The following CUL1 variants were observed in gnomAD, a reference collection of about 807,000 sequenced individuals.
CUL1 encodes cullin 1.
A neutral mutation model predicts 118.0 loss-of-function variants in CUL1; 24 were observed. The ratio of observed to expected loss-of-function variants is 0.20; its 90% CI spans 0.15 to 0.29. The LOEUF (loss-of-function observed/expected upper bound fraction) is 0.29, where lower values mean the gene tolerates loss of function less well. Ranked by LOEUF, CUL1 falls within the 10% of genes least tolerant of loss-of-function variation. The pLI, the probability that CUL1 is intolerant of heterozygous loss-of-function variation, is 1.00. For missense variants in CUL1, 361 were observed against 933.8 expected (o/e 0.39, Z 7.99); for synonymous variants, 332 against 340.4 (o/e 0.98, Z 0.27).
intron 1 of CUL1, among the ~76,000 whole-genome samples, chr7:148,709,301 T>G (rs1226497443): frequency 6.6e-6 from 1 of 152,230 alleles, no homozygotes; most frequent in Non-Finnish European, 1.5e-5. Flanking sequence ...AGAAAAATAG[T>G]CCTAAAGTGT....
intron 9 of CUL1, among the ~76,000 whole-genome samples, chr7:148,780,068 T>C (rs1800569655): frequency 6.6e-6 from 1 of 151,958 alleles, no homozygotes; most frequent in Admixed American, 6.6e-5. Context: ...AGATAGCCTA[T>C]TGTGGGACCT....
chr7:148,795,254 C>T (rs1014880831), intron 17 of CUL1, among the ~76,000 whole-genome samples: 1 of 152,142 alleles, frequency 6.6e-6, no homozygotes, highest in African/African-American at 2.4e-5. Flanking sequence ...TCCTCAGCCT[C>T]CTGAGTAGCT....
chr7:148,784,283 A>C (rs1471861959), intron 11 of CUL1, among the ~76,000 whole-genome samples: 1 of 152,100 alleles, frequency 6.6e-6, no homozygotes, highest in East Asian at 1.9e-4. Context: ...GTCTCAATGT[A>C]TTGTGGGACT....
At chr7:148,757,696 A>C (rs1283743716) in intron 4 of CUL1, among the ~76,000 whole-genome samples, 2 of 152,202 alleles carry the variant, frequency 1.3e-5, no homozygotes, top group Non-Finnish European at 2.9e-5. Flanking sequence ...CTGCTGATAA[A>C]GACCTACCTG....
intron 7 of CUL1, among the ~76,000 whole-genome samples, chr7:148,762,311 C>T (rs1410841632): frequency 2.0e-5 from 3 of 152,166 alleles, no homozygotes; most frequent in African/African-American, 7.2e-5. Context: ...ATGCATTTTC[C>T]TATAGGAGAT....
intron 17 of CUL1, among the ~76,000 whole-genome samples, chr7:148,797,581 TC>T (rs1196381800): frequency 5.9e-5 from 9 of 152,032 alleles, no homozygotes; most frequent in Admixed American, 5.9e-4. Context: ...TATTGTGTGA[TC>T]AAGGCCAGAA....
Position 148,798,676 on chromosome 7 carries a change from A to C in CUL1, c.2135A>C (p.Gln712Pro). The stretch of plus-strand genomic sequence containing the variant: ...GAGGAAGACCGCAAACTACTGATTC[A>C]GGTGACTTATCTGTATGCCTGTGCC... ...NIEEDRKLLI[Q>P]AAIVRIMKMR... The change falls in exon 20 of 22, where the codon CAG becomes CCG. Residue 712 changes from glutamine to proline, a missense_variant and splice_region_variant. Gln to Pro is a moderately conservative substitution (Grantham distance 76, BLOSUM62 -1). Coordinates refer to ENST00000325222, the MANE Select transcript of CUL1 (RefSeq NM_003592.3). 1 of 1,612,686 alleles carries C rather than the reference A, an allele frequency of 6.2e-7. No homozygotes were observed. The highest frequency in any genetic ancestry group is 8.5e-7 in the Non-Finnish European group (1 of 1,178,680).
intron 3 of CUL1, among the ~76,000 whole-genome samples, chr7:148,755,028 C>T (rs1327737718): frequency 6.6e-6 from 1 of 152,180 alleles, no homozygotes; most frequent in Non-Finnish European, 1.5e-5. Flanking sequence ...GTTGGGATTA[C>T]AGGTGTGAGC....
chr7:148,790,567 T>C (rs949179519), intron 16 of CUL1, 126 bp downstream of exon 16: 1 of 799,620 alleles, frequency 1.3e-6, no homozygotes, highest in Non-Finnish European at 2.0e-6. Flanking sequence ...TAGTGGCAGG[T>C]TTAAAGCATG....
intron 2 of CUL1, among the ~76,000 whole-genome samples, chr7:148,743,932 T>A (rs1353580781): frequency 2.0e-5 from 3 of 151,922 alleles, no homozygotes; most frequent in Admixed American, 1.3e-4. Context: ...AAAAAACAAA[T>A]TTTTTTTCAT....
intron 2 of CUL1, among the ~76,000 whole-genome samples, chr7:148,748,277 T>C (rs1799366135): frequency 6.6e-6 from 1 of 151,634 alleles, no homozygotes; most frequent in South Asian, 2.1e-4. Context: ...TTTTAAAAAG[T>C]CAATTATGCT....
intron 1 of CUL1, among the ~76,000 whole-genome samples, chr7:148,712,455 G>C (rs1798081352): frequency 1.3e-5 from 2 of 152,222 alleles, no homozygotes; most frequent in South Asian, 4.1e-4. Context: ...GAATTTTAGA[G>C]AAGTGCCACC....
intron 3 of CUL1, among the ~76,000 whole-genome samples, chr7:148,755,145 C>G (rs1233900344): frequency 6.6e-6 from 1 of 152,148 alleles, no homozygotes. Context: ...TAGGTCCCTC[C>G]CACTCCAAGC....
rs558551595 is a variant in CUL1, at chr7:148,800,879, G to A, written c.*297G>A. The A allele has an allele frequency of 1.0e-3, 253 of 251,740 alleles. 1 individual carries two copies. Among genetic ancestry groups the A allele is most frequent in the Non-Finnish European group, 1.2e-3 (159 of 131,596 alleles). The allele number at this position is 251,740 out of a possible 1,614,324, so 15.6% of individuals were successfully genotyped here. ...CACTAAGTCAATACATGGGCTCCCC[G>A]ATTCGCAGCTGTCGTCTTGGCAGCA... On this transcript the variant is annotated 3_prime_UTR_variant, in exon 22 of 22. Transcript: ENST00000325222. The surrounding 1 kb of genome is among the most constrained non-coding windows in gnomAD (Gnocchi z 4.6).
chr7:148,773,114 A>C (rs1800272240), intron 9 of CUL1, among the ~76,000 whole-genome samples: 1 of 152,090 alleles, frequency 6.6e-6, no homozygotes, highest in African/African-American at 2.4e-5. Context: ...AATACCACTT[A>C]ATACATTTAT....
intron 7 of CUL1, among the ~76,000 whole-genome samples, chr7:148,765,046 T>C (rs1799961397): frequency 6.6e-6 from 1 of 152,224 alleles, no homozygotes; most frequent in South Asian, 2.1e-4. Context: ...TTCTTCCTTG[T>C]GTTTTTATTT....
chr7:148,758,923 C>CAA (rs1162092744), intron 4 of CUL1, among the ~76,000 whole-genome samples: 49 of 152,244 alleles, frequency 3.2e-4, no homozygotes, highest in African/African-American at 1.1e-3. Flanking sequence ...TCTTGAGACT[C>CAA]AAAAGTTGTT....
At chr7:148,703,090 C>T (rs79115261) in intron 1 of CUL1, among the ~76,000 whole-genome samples, 184 of 152,288 alleles carry the variant, frequency 1.2e-3, no homozygotes, top group African/African-American at 4.2e-3. Flanking sequence ...GGAGCTCAGG[C>T]TTTTAACCAG....
Position 148,800,633 on chromosome 7 carries a change from G to T in CUL1, c.*51G>T. On this transcript the variant is annotated 3_prime_UTR_variant, in exon 22 of 22. Coordinates refer to ENST00000325222, the MANE Select transcript of CUL1 (RefSeq NM_003592.3). This position sits in a 1 kb window ranked among gnomAD's most constrained non-coding sequence, Gnocchi z 4.6. ...GACCCGCAGCAAATAGTTCATGTTG[G>T]AAAGAATGAAAACAACTCAAGTTCA... 1 of 1,436,700 alleles carries T rather than the reference G, an allele frequency of 7.0e-7. No homozygotes were observed. The highest frequency in any genetic ancestry group is 9.7e-7 in the Non-Finnish European group (1 of 1,027,798). 89.0% of individuals were successfully genotyped at this position (1,436,700 alleles called of 1,614,324 possible).
Sources: allele counts gnomAD v4.1 joint callset (sites outside exome capture counted in the v4.1 genomes callset), GRCh38; gene constraint gnomAD v4.1.1; non-coding constraint Gnocchi (gnomAD v3.1); transcripts MANE v1.5; gene names NCBI Gene and HGNC (gene_info 2026-07-23, HGNC 2026-07-21).